Variants in CYLD observed in about 807,000 individuals in gnomAD.
The protein encoded by CYLD is CYLD lysine 63 deubiquitinase.
CYLD carries 26 observed loss-of-function variants against 104.5 expected under a neutral mutation model. The ratio of observed to expected loss-of-function variants is 0.25; its 90% confidence interval spans 0.18 to 0.35. The LOEUF is 0.35. CYLD is among the 10% of genes least tolerant of loss of function. CYLD has a pLI of 1.00. For missense variants in CYLD, 703 were observed against 1,136.1 expected (o/e 0.62, Z 5.48); for synonymous variants, 385 against 399.9 (o/e 0.96, Z 0.45).
intron 8 of CYLD, 152 bp downstream of exon 8, chr16:50,778,093 T>G: frequency 3.2e-6 from 2 of 618,314 alleles, no homozygotes; most frequent in Non-Finnish European, 5.8e-6. Context: ...TGTACACAGT[T>G]TGAACCGTAC....
At chr16:50,755,078 T>C (rs12934597) in intron 5 of CYLD, among the ~76,000 whole-genome samples, 2 of 112,026 alleles carry the variant, frequency 1.8e-5, no homozygotes, top group Non-Finnish European at 3.4e-5. Context: ...TATGTATACA[T>C]ATACACACAT....
In CYLD at chr16:50,752,685, C is replaced by T. The variant is rs114904034; in HGVS notation, c.807+779C>T. Among the ~76,000 whole-genome samples, 302 of 152,302 alleles carry T rather than the reference C, an allele frequency of 2.0e-3. 4 individuals are homozygous for T. Among genetic ancestry groups the T allele is most frequent in the African/African-American group, 6.9e-3 (286 of 41,564 alleles). On this transcript the variant is annotated intron_variant, in intron 4 of 18. Transcript: ENST00000427738. Reference sequence around the variant, plus strand: ...AACAGTAACTGCCCACTTTCCCCAACCTCTGCTAACCACAATTTCTTCTGA... The same window carrying T: ...AACAGTAACTGCCCACTTTCCCCAATCTCTGCTAACCACAATTTCTTCTGA...
chr16:50,759,942 T>C (rs1967712771), intron 5 of CYLD, among the ~76,000 whole-genome samples: 1 of 152,268 alleles, frequency 6.6e-6, no homozygotes, highest in Non-Finnish European at 1.5e-5. Flanking sequence ...TCTCTAGTTT[T>C]AGAATTTTAA....
chr16:50,757,336 T>C (rs1967367787), intron 5 of CYLD, among the ~76,000 whole-genome samples: 1 of 152,212 alleles, frequency 6.6e-6, no homozygotes, highest in Non-Finnish European at 1.5e-5. Context: ...AGGATTCAAA[T>C]GATAGCTTTA....
chr16:50,767,466 A>ATT (rs3064635), intron 5 of CYLD, among the ~76,000 whole-genome samples: 7,328 of 143,900 alleles, frequency 0.051, 615 homozygotes, highest in African/African-American at 0.18. Flanking sequence ...GTGGGTTTCA[A>ATT]TTTTTTTTTT....
chr16:50,781,893 C>A (rs567856102), intron 10 of CYLD, among the ~76,000 whole-genome samples: 1 of 152,114 alleles, frequency 6.6e-6, no homozygotes, highest in Non-Finnish European at 1.5e-5. Flanking sequence ...CTTTCCACTT[C>A]TACATAATAG....
chr16:50,784,069 A>T, intron 11 of CYLD: 1 of 405,686 alleles, frequency 2.5e-6, no homozygotes, highest in East Asian at 5.3e-5. Context: ...GCACGTTGTT[A>T]TCCTTTAACA....
At chr16:50,758,290 A>G (rs951394965) in intron 5 of CYLD, among the ~76,000 whole-genome samples, 1 of 152,202 alleles carries the variant, frequency 6.6e-6, no homozygotes. Context: ...CAGCGTGGCC[A>G]GTTTGAGCAA....
At position 50,745,609 on chromosome 16, in the gene CYLD, G is replaced by A. The variant is rs552291399; in HGVS notation, c.-124+2768G>A. Reference sequence around the variant, plus strand: ...CTCATTCTGTCACCCAGGCAGGAGTGCGGTAGTGCTATCACAGCTCACTAA... The same window carrying A: ...CTCATTCTGTCACCCAGGCAGGAGTACGGTAGTGCTATCACAGCTCACTAA... On this transcript the variant is annotated intron_variant, in intron 2 of 18. Transcript: ENST00000427738. Among the ~76,000 whole-genome samples the A allele has an allele frequency of 3.9e-5, 6 of 151,932 alleles. No individual in the cohort carries two copies. In the South Asian group the frequency reaches 1.2e-3, roughly 32 times the overall value.
Position 50,745,555 on chromosome 16 carries a change from C to CT in CYLD, c.-124+2723dup, listed in dbSNP as rs557592798. Among the ~76,000 whole-genome samples the CT allele has an allele frequency of 5.7e-3, 849 of 150,240 alleles. 5 individuals are homozygous for CT. The highest frequency in any genetic ancestry group is 0.01 in the Middle Eastern group (3 of 292). ...CACCACACCCGGCTAATTTTCTTTT[C>CT]TTTTTTTTTCTTCCTTTTGGGACAG... On this transcript the variant is annotated intron_variant, in intron 2 of 18. Transcript: ENST00000427738.
chr16:50,742,493 C>G (rs949384425), intron 1 of CYLD: 2 of 311,880 alleles, frequency 6.4e-6, no homozygotes, highest in Non-Finnish European at 1.2e-5. Context: ...ATCGGGACCC[C>G]CAGAGGAGAG....
At position 50,782,408 on chromosome 16, in the gene CYLD, A is replaced by G. The variant is rs1347296632; in HGVS notation, c.1768A>G (p.Lys590Glu). The G allele has an allele frequency of 6.2e-7, 1 of 1,614,084 alleles. No individual in the cohort carries two copies. The highest frequency in any genetic ancestry group is 8.5e-7 in the Non-Finnish European group (1 of 1,179,924). ...AGAAGGCTTGGAGATAATGATTGGG[A>G]AGAAGAAAGGCATCCAGGGTCATTA... ...EKEGLEIMIG[K>E]KKGIQGHYNS... Residue 590 changes from lysine (K) to glutamate (E), a missense_variant, in exon 11 of 19, where the codon AAG (lysine) becomes GAG (glutamate). Transcript: ENST00000427738.
intron 5 of CYLD, among the ~76,000 whole-genome samples, chr16:50,768,158 C>A (rs1968724123): frequency 6.6e-6 from 1 of 151,840 alleles, no homozygotes; most frequent in South Asian, 2.1e-4. Flanking sequence ...TTTTCATAAA[C>A]CCTCAATAGG....
At chr16:50,786,578 G>T in intron 12 of CYLD, 1 of 344,648 alleles carries the variant, frequency 2.9e-6, no homozygotes, top group Non-Finnish European at 5.5e-6. Context: ...TGGCCAACAT[G>T]GTGAAACCCT....
intron 2 of CYLD, 70 bp downstream of exon 2, chr16:50,742,911 G>GCCCC: frequency 6.7e-6 from 1 of 150,342 alleles, no homozygotes. Flanking sequence ...GGGGGCGGGG[G>GCCCC]CGAAGTCATG....
intron 4 of CYLD, 85 bp from the exon 5 acceptor site, chr16:50,754,232 ATT>A: frequency 2.3e-6 from 2 of 868,528 alleles, no homozygotes; most frequent in Non-Finnish European, 3.8e-6. Context: ...AATGTAAAAT[ATT>A]TTGGAGGATT....
rs867311509 is a variant in CYLD at position 50,745,533 on chromosome 16, C to T, written c.-124+2692C>T. Among the ~76,000 whole-genome samples, 12 of 150,884 alleles carry T rather than the reference C, an allele frequency of 8.0e-5. 1 individual carries two copies. The highest frequency in any genetic ancestry group is 4.2e-4 in the South Asian group (2 of 4,780). On this transcript the variant is annotated intron_variant, in intron 2 of 18. Coordinates refer to ENST00000427738, the MANE Select transcript of CYLD (RefSeq NM_001378743.1). ...AGCTGGGCCCACAGGCAGACACCAC[C>T]ACACCCGGCTAATTTTCTTTTCTTT...
intron 8 of CYLD, chr16:50,778,194 G>A (rs999204025): frequency 1.4e-5 from 5 of 357,770 alleles, no homozygotes; most frequent in Non-Finnish European, 2.6e-5. Flanking sequence ...GAAGATTTCT[G>A]TCTGGTTCCT....
At chr16:50,749,543 C>T in intron 2 of CYLD, 33 bp from the exon 3 acceptor site, 1 of 714,868 alleles carries the variant, frequency 1.4e-6, no homozygotes, top group Non-Finnish European at 2.3e-6. Flanking sequence ...TTTGCTTTTT[C>T]ACTAGGCATT....
Sources: gnomAD v4.1 joint callset for allele counts (sites outside exome capture counted in the v4.1 genomes callset) on GRCh38, gnomAD v4.1.1 for gene constraint, MANE v1.5 for transcripts, NCBI Gene and HGNC (gene_info 2026-07-23, HGNC 2026-07-21) for gene names.